The following LHFPL5 variants were observed in gnomAD, a reference collection of about 807,000 sequenced individuals.
The protein encoded by LHFPL5 is LHFPL tetraspan subfamily member 5.
LHFPL5 carries 12 observed loss-of-function variants against 18.7 expected under a neutral mutation model. That is an observed-to-expected ratio of 0.64 (90% CI 0.41 to 1.04). LHFPL5 has a LOEUF of 1.04. Among genes scored for constraint, LHFPL5 ranks in the 50% least tolerant of loss-of-function variants. The pLI, the probability that LHFPL5 is intolerant of heterozygous loss-of-function variation, is 0.00. For synonymous variants in LHFPL5, 111 were observed against 120.2 expected (o/e 0.92, Z 0.50); for missense variants, 259 against 292.1 (o/e 0.89, Z 0.83).
At chr6:35,807,606 A>T (rs1276609857) in intron 1 of LHFPL5, among the ~76,000 whole-genome samples, 1 of 152,200 alleles carries the variant, frequency 6.6e-6, no homozygotes, top group Admixed American at 6.5e-5. Flanking sequence ...AGACTGAAAC[A>T]GGCATCTGAA....
intron 2 of LHFPL5, among the ~76,000 whole-genome samples, chr6:35,818,950 G>A (rs975750563): frequency 6.6e-6 from 1 of 152,104 alleles, no homozygotes; most frequent in Non-Finnish European, 1.5e-5. Flanking sequence ...TCCTGCCTCA[G>A]CCTCCCAAAC....
chr6:35,805,755 TG>T lies in LHFPL5; in HGVS notation c.89del (p.Gly30ValfsTer55). The T allele has an allele frequency of 1.2e-6, 2 of 1,614,216 alleles. No homozygotes were observed. The highest frequency in any genetic ancestry group is 1.7e-6 in the Non-Finnish European group (2 of 1,180,030). ...VRNSRAVGVM[W>X]GTLTICFSVL... Reference sequence around the variant, plus strand: ...GAACTCGCGAGCCGTGGGCGTGATGTGGGGTACCCTCACCATCTGCTTCTCC... The same window carrying T: ...GAACTCGCGAGCCGTGGGCGTGATGTGGGTACCCTCACCATCTGCTTCTCC... On this transcript the variant is annotated frameshift_variant, in exon 1 of 4. Coordinates refer to ENST00000360215, the MANE Select transcript of LHFPL5 (RefSeq NM_182548.4). LOFTEE classifies it high-confidence loss of function. This position sits in a 1 kb window ranked among gnomAD's most constrained non-coding sequence, Gnocchi z 4.3.
chr6:35,811,826 C>T (rs557793083), intron 1 of LHFPL5, among the ~76,000 whole-genome samples: 11 of 152,322 alleles, frequency 7.2e-5, no homozygotes, highest in African/African-American at 2.2e-4. Flanking sequence ...TCTCCTCCAC[C>T]GTGGGTATCT....
intron 2 of LHFPL5, 126 bp from the exon 3 acceptor site, chr6:35,819,310 CA>C: frequency 1.1e-6 from 1 of 875,770 alleles, no homozygotes; most frequent in South Asian, 1.4e-5. Flanking sequence ...ATGATATGAA[CA>C]AAAAAGTGCA....
At chr6:35,811,886 C>T (rs902266666) in intron 1 of LHFPL5, among the ~76,000 whole-genome samples, 3 of 152,320 alleles carry the variant, frequency 2.0e-5, no homozygotes, top group Admixed American at 2.0e-4. Flanking sequence ...GAAATGTCAC[C>T]GCTAATTACA....
chr6:35,819,574 G>A (rs1768826895), intron 3 of LHFPL5, 111 bp downstream of exon 3: 1 of 1,035,302 alleles, frequency 9.7e-7, no homozygotes, highest in Non-Finnish European at 1.5e-6. Context: ...CTGTAAGGCT[G>A]TGATGCTGCT....
chr6:35,822,443 T>G (rs1035380920), intron 3 of LHFPL5, among the ~76,000 whole-genome samples: 1 of 152,186 alleles, frequency 6.6e-6, no homozygotes, highest in African/African-American at 2.4e-5. Flanking sequence ...GAAGTCAAAA[T>G]TTGAGCATAC....
In LHFPL5 at chr6:35,805,909, A is replaced by G. The variant is rs1370972194; in HGVS notation, c.239A>G (p.Lys80Arg). Residue 80 changes from lysine (K) to arginine (R), a missense_variant, in exon 1 of 4, where the codon AAG (lysine) becomes AGG (arginine). Physicochemically the swap from Lys to Arg is conservative, Grantham distance 26 (BLOSUM62 2). Coordinates refer to ENST00000360215, the MANE Select transcript of LHFPL5 (RefSeq NM_182548.4). This position sits in a 1 kb window ranked among gnomAD's most constrained non-coding sequence, Gnocchi z 4.3. ...GNVLSSELIC[K>R]GGPLDFSSIP... ...GTGCTGTCCTCCGAGCTCATCTGCA[A>G]GGGCGGCCCCCTAGACTTCTCCTCC... The G allele has an allele frequency of 6.2e-7, 1 of 1,614,068 alleles. No homozygotes were observed. The highest frequency in any genetic ancestry group is 1.3e-5 in the African/African-American group (1 of 74,934).
rs957889179 is a variant in LHFPL5, at chr6:35,819,450, C to T, written c.*3C>T. ...CCTTCATTACAGAGGAGGTGTGAAGCAGCTGAAGGGTCGGTGAGTAATTCT... is the reference window on the plus strand; with the variant it reads ...CCTTCATTACAGAGGAGGTGTGAAGTAGCTGAAGGGTCGGTGAGTAATTCT... On this transcript the variant is annotated 3_prime_UTR_variant, in exon 3 of 4. Transcript: ENST00000360215. 3.1e-6 allele frequency: 5 copies of T among 1,613,914 alleles called. No homozygotes were observed. In the Admixed American group the frequency reaches 8.3e-5, roughly 27 times the overall value.
In LHFPL5 at chr6:35,805,939, C is replaced by T. The variant is rs966322716; in HGVS notation, c.269C>T (p.Pro90Leu). 6.2e-7 allele frequency: 1 copy of T among 1,614,254 alleles called. No homozygotes were observed. Among genetic ancestry groups the T allele is most frequent in the Non-Finnish European group, 8.5e-7 (1 of 1,180,050 alleles). The change falls in exon 1 of 4, where the codon CCC (proline) becomes CTC (leucine). Residue 90 changes from proline to leucine, a missense_variant. Coordinates refer to ENST00000360215, the MANE Select transcript of LHFPL5 (RefSeq NM_182548.4). The surrounding 1 kb of genome is among the most constrained non-coding windows in gnomAD (Gnocchi z 4.3). ...KGGPLDFSSI[P>L]SRAFKTAMFF... ...GGCCCCCTAGACTTCTCCTCCATCC[C>T]CTCTAGAGCCTTCAAGACTGCCATG...
At chr6:35,817,053 G>A (rs541063618) in intron 2 of LHFPL5, among the ~76,000 whole-genome samples, 20 of 151,960 alleles carry the variant, frequency 1.3e-4, no homozygotes, top group Non-Finnish European at 2.5e-4. Flanking sequence ...GGCCAGATGC[G>A]GTGGCTTATG....
Position 35,816,027 on chromosome 6 carries a change from C to T in LHFPL5, c.649+1245C>T, listed in dbSNP as rs527595873. Among the ~76,000 whole-genome samples the T allele has an allele frequency of 1.5e-3, 231 of 151,928 alleles. 1 individual carries two copies. Among genetic ancestry groups the T allele is most frequent in the African/African-American group, 5.1e-3 (211 of 41,412 alleles). ...TCTACTAAAAATACAAAAAATTAGC[C>T]GGGTGCGGTGGCGGGCGCCTGTAGT... On this transcript the variant is annotated intron_variant, in intron 2 of 3. Transcript: ENST00000360215.
intron 2 of LHFPL5, among the ~76,000 whole-genome samples, chr6:35,816,852 T>C (rs1667101005): frequency 6.7e-6 from 1 of 149,706 alleles, no homozygotes; most frequent in African/African-American, 2.5e-5. Context: ...CAAACATTTA[T>C]GGCCAATTTA....
intron 1 of LHFPL5, among the ~76,000 whole-genome samples, chr6:35,808,058 C>T (rs142001731): frequency 1.3e-5 from 2 of 152,174 alleles, no homozygotes; most frequent in African/African-American, 4.8e-5. Context: ...AGCAAATCCC[C>T]TTGCCACCTC....
chr6:35,808,564 CATATATATATATATATATATATATATAT>C (rs56343421), intron 1 of LHFPL5, among the ~76,000 whole-genome samples: 2 of 87,268 alleles, frequency 2.3e-5, no homozygotes, highest in African/African-American at 3.9e-5. Flanking sequence ...TCATTTTATA[CATATATATATATATATATATATATATAT>C]ATATATATAT....
chr6:35,822,003 T>G (rs761845645), intron 3 of LHFPL5, among the ~76,000 whole-genome samples: 1 of 151,004 alleles, frequency 6.6e-6, no homozygotes, highest in Non-Finnish European at 1.5e-5. Context: ...GCTTCCTGAA[T>G]AGCTGGGACT....
chr6:35,806,713 T>C (rs1768574848), intron 1 of LHFPL5, among the ~76,000 whole-genome samples: 1 of 152,198 alleles, frequency 6.6e-6, no homozygotes, highest in African/African-American at 2.4e-5. Flanking sequence ...CCTCTTTCAT[T>C]GTGGAGTGAA....
In LHFPL5 at chr6:35,814,856, G is replaced by T; in HGVS notation, c.649+74G>T. The T allele has an allele frequency of 7.5e-7, 1 of 1,336,240 alleles. No homozygotes were observed. Among genetic ancestry groups the T allele is most frequent in the Non-Finnish European group, 1.1e-6 (1 of 927,976 alleles). 82.8% of individuals were successfully genotyped at this position (1,336,240 alleles called of 1,614,324 possible). ...TGTGGGTGGGGGTTCATCTTAGCCA[G>T]TCCTCTAAGGCTTGGTCCCTGGCCA... On this transcript the variant is annotated intron_variant, in intron 2 of 3. Transcript: ENST00000360215. The surrounding 1 kb of genome is among the most constrained non-coding windows in gnomAD (Gnocchi z 4.2).
chr6:35,817,285 C>T (rs1367275330), intron 2 of LHFPL5, among the ~76,000 whole-genome samples: 1 of 151,928 alleles, frequency 6.6e-6, no homozygotes, highest in Non-Finnish European at 1.5e-5. Context: ...TGTGCCCCTG[C>T]ACTCTAGCCT....
Sources: allele counts gnomAD v4.1 joint callset (sites outside exome capture counted in the v4.1 genomes callset), GRCh38; gene constraint gnomAD v4.1.1; non-coding constraint Gnocchi (gnomAD v3.1); transcripts MANE v1.5; gene names NCBI Gene and HGNC (gene_info 2026-07-23, HGNC 2026-07-21).